Variants in MAD1L1 observed in about 807,000 individuals in gnomAD.
The protein encoded by MAD1L1 is mitotic arrest deficient 1 like 1, also known as mitotic spindle assembly checkpoint protein MAD1.
Under a neutral mutation model 96.9 loss-of-function variants are expected in MAD1L1, and 95 were observed. The ratio of observed to expected loss-of-function variants is 0.98; its 90% CI spans 0.83 to 1.16. The LOEUF is 1.16. Among genes scored for constraint, MAD1L1 ranks in the 50% most tolerant of loss-of-function variants. MAD1L1 has a pLI of 0.00. For synonymous variants in MAD1L1, 473 were observed against 396.6 expected (o/e 1.19, Z -2.29); for missense variants, 1,007 against 954.4 (o/e 1.06, Z -0.73).
At chr7:2,164,960 G>A (rs1010241975) in intron 10 of MAD1L1, among the ~76,000 whole-genome samples, 6 of 152,218 alleles carry the variant, frequency 3.9e-5, no homozygotes, top group African/African-American at 7.2e-5. Flanking sequence ...AGGGAAGGGG[G>A]CATGTTGACC....
At chr7:2,210,216 G>A (rs1393542432) in intron 10 of MAD1L1, among the ~76,000 whole-genome samples, 1 of 152,112 alleles carries the variant, frequency 6.6e-6, no homozygotes, top group Non-Finnish European at 1.5e-5. Context: ...GGGACTACAG[G>A]TGCACACCAC....
intron 3 of MAD1L1, among the ~76,000 whole-genome samples, chr7:2,227,285 G>T (rs980844101): frequency 1.3e-5 from 2 of 152,202 alleles, no homozygotes; most frequent in African/African-American, 4.8e-5. Context: ...GACAGAGTAA[G>T]ACCCTATCTC....
chr7:1,894,710 G>A (rs1463570994), intron 18 of MAD1L1, among the ~76,000 whole-genome samples: 2 of 152,138 alleles, frequency 1.3e-5, no homozygotes, highest in Non-Finnish European at 2.9e-5. Flanking sequence ...CCAAAGAGGG[G>A]AGGGGGCGAG....
chr7:2,134,766 G>A (rs1788675592), intron 11 of MAD1L1, among the ~76,000 whole-genome samples: 1 of 152,208 alleles, frequency 6.6e-6, no homozygotes, highest in African/African-American at 2.4e-5. Flanking sequence ...TTCTCAGAGA[G>A]CAACTTGTGG....
chr7:2,008,176 G>A (rs776081762), intron 13 of MAD1L1, among the ~76,000 whole-genome samples: 1 of 152,204 alleles, frequency 6.6e-6, no homozygotes, highest in African/African-American at 2.4e-5. Context: ...AGAGCTCGGG[G>A]AGAACCACAC....
chr7:1,949,926 C>G (rs1055772069), intron 16 of MAD1L1, among the ~76,000 whole-genome samples: 1 of 152,232 alleles, frequency 6.6e-6, no homozygotes, highest in Non-Finnish European at 1.5e-5. Context: ...CCGGACCCCC[C>G]AGGTCCCGCC....
intron 11 of MAD1L1, among the ~76,000 whole-genome samples, chr7:2,071,916 C>T (rs1011286092): frequency 1.1e-4 from 17 of 152,306 alleles, no homozygotes; most frequent in Admixed American, 1.0e-3. Flanking sequence ...GGGGAGGGCA[C>T]GGACGCTCTG....
chr7:1,999,861 G>T (rs565988193), intron 14 of MAD1L1, among the ~76,000 whole-genome samples: 1 of 152,172 alleles, frequency 6.6e-6, no homozygotes, highest in Non-Finnish European at 1.5e-5. Flanking sequence ...CTTCTCTGCA[G>T]TCTGACTGTC....
intron 18 of MAD1L1, among the ~76,000 whole-genome samples, chr7:1,884,875 G>C (rs1785914148): frequency 6.6e-6 from 1 of 152,258 alleles, no homozygotes; most frequent in African/African-American, 2.4e-5. Context: ...CAAGGGGGCA[G>C]AGGGCATTCT....
In MAD1L1 at chr7:2,148,940, G is replaced by A. The variant is rs574570539; in HGVS notation, c.1073+212C>T. On this transcript the variant is annotated intron_variant, in intron 11 of 18. Transcript: ENST00000265854. ...TTAGCACATTGTCAGAACGATGGAC[G>A]GTGGTGCCTCAGCGGAGGCTCACAG... is the stretch of plus-strand genomic sequence containing the variant. Among the ~76,000 whole-genome samples the A allele has an allele frequency of 5.9e-5, 9 of 152,242 alleles. No homozygotes were observed. The East Asian group carries it at 7.7e-4, about 13-fold the overall frequency.
intron 3 of MAD1L1, among the ~76,000 whole-genome samples, chr7:2,229,269 G>A (rs1794073704): frequency 6.6e-6 from 1 of 152,058 alleles, no homozygotes; most frequent in Non-Finnish European, 1.5e-5. Context: ...ACAGGGCCCA[G>A]GCAAGGCTGG....
chr7:2,104,982 G>A (rs1173627872), intron 11 of MAD1L1, among the ~76,000 whole-genome samples: 4 of 152,208 alleles, frequency 2.6e-5, no homozygotes, highest in South Asian at 2.1e-4. Context: ...AGGGAACTAC[G>A]CACAGCCCGC....
chr7:1,898,074 G>A (rs902529622), intron 18 of MAD1L1, 126 bp downstream of exon 18: 13 of 1,024,138 alleles, frequency 1.3e-5, no homozygotes, highest in South Asian at 8.8e-5. Flanking sequence ...CCTCCTTCCC[G>A]CCCAGCCCTC....
chr7:2,019,428 G>A (rs953950504), intron 12 of MAD1L1, among the ~76,000 whole-genome samples: 4 of 152,208 alleles, frequency 2.6e-5, no homozygotes, highest in Non-Finnish European at 4.4e-5. Context: ...ACAGTCCTGC[G>A]CTCCAATCTG....
At chr7:2,108,765 C>T (rs1224123808) in intron 11 of MAD1L1, among the ~76,000 whole-genome samples, 1 of 152,212 alleles carries the variant, frequency 6.6e-6, no homozygotes, top group African/African-American at 2.4e-5. Flanking sequence ...AAGGCAGCAG[C>T]CCTGGGGAAA....
intron 14 of MAD1L1, among the ~76,000 whole-genome samples, chr7:1,988,715 C>T (rs1781272078): frequency 6.6e-6 from 1 of 152,192 alleles, no homozygotes; most frequent in Non-Finnish European, 1.5e-5. Flanking sequence ...GGCCGTGATC[C>T]CACGGCAAAA....
chr7:2,008,720 G>A (rs1782148193), intron 13 of MAD1L1, among the ~76,000 whole-genome samples: 1 of 151,726 alleles, frequency 6.6e-6, no homozygotes. Context: ...CAGGTGGGAA[G>A]GAACACGGCT....
intron 11 of MAD1L1, among the ~76,000 whole-genome samples, chr7:2,086,327 C>T (rs1175939871): frequency 6.6e-6 from 1 of 152,244 alleles, no homozygotes; most frequent in Non-Finnish European, 1.5e-5. Context: ...CACGCCCTCG[C>T]TCACACCACA....
chr7:2,096,734 C>CA (rs1415693035), intron 11 of MAD1L1, among the ~76,000 whole-genome samples: 4 of 152,174 alleles, frequency 2.6e-5, no homozygotes, highest in Non-Finnish European at 5.9e-5. Context: ...CAGGCCCCTT[C>CA]ACGAGGCCCA....
Sources: allele counts gnomAD v4.1 joint callset (sites outside exome capture counted in the v4.1 genomes callset), GRCh38; gene constraint gnomAD v4.1.1; transcripts MANE v1.5; gene names NCBI Gene and HGNC (gene_info 2026-07-23, HGNC 2026-07-21).